Variants in BRAF observed in about 807,000 individuals in gnomAD.
BRAF encodes B-Raf proto-oncogene, serine/threonine kinase.
In BRAF, 16 loss-of-function variants were observed where a neutral mutation model predicts 104.6. That is an observed-to-expected ratio of 0.15 (90% CI 0.10 to 0.23). BRAF has a LOEUF of 0.23. BRAF is among the 10% of genes least tolerant of loss of function. The probability of loss-of-function intolerance (pLI) is 1.00; values close to 1 mark genes in which losing one functional copy is unlikely to be tolerated. For missense variants in BRAF, 541 were observed against 937.3 expected, an observed-to-expected ratio of 0.58 and a Z score of 5.52; for synonymous variants, 310 against 341.6, an observed-to-expected ratio of 0.91 and a Z score of 1.02.
At position 140,873,599 on chromosome 7, in the gene BRAF, C is replaced by T. The variant is rs1314354597; in HGVS notation, c.139-23387G>A. On this transcript the variant is annotated intron_variant, in intron 1 of 19. Transcript: ENST00000644969. ...GGGTGTTGACAATTGATTTGGAGTG[C>T]TGTGAATTTAAGTGATAACCTCCAC... Among the ~76,000 whole-genome samples, 25 of 152,124 alleles carry T rather than the reference C, an allele frequency of 1.6e-4. 1 individual carries two copies. The highest frequency in any genetic ancestry group is 1.6e-3 in the Admixed American group (25 of 15,274).
intron 1 of BRAF, among the ~76,000 whole-genome samples, chr7:140,851,723 C>T (rs534542201): frequency 6.6e-6 from 1 of 152,306 alleles, no homozygotes; most frequent in South Asian, 2.1e-4. Context: ...CTCTTCCCCA[C>T]AATCTCACCA....
chr7:140,888,987 C>T (rs1051556523), intron 1 of BRAF, among the ~76,000 whole-genome samples: 32 of 152,106 alleles, frequency 2.1e-4, no homozygotes, highest in African/African-American at 7.7e-4. Flanking sequence ...TGCTAAACAT[C>T]CTACAATACA....
chr7:140,834,037 T>C (rs548377831), intron 3 of BRAF: 1 of 157,022 alleles, frequency 6.4e-6, no homozygotes, highest in Non-Finnish European at 1.4e-5. Flanking sequence ...TGTATACAGA[T>C]GGGTTACTTA....
intron 10 of BRAF, among the ~76,000 whole-genome samples, chr7:140,784,655 T>C (rs1454201768): frequency 1.3e-5 from 2 of 152,202 alleles, no homozygotes; most frequent in East Asian, 1.9e-4. Flanking sequence ...TTTTACTTTT[T>C]TTTTTTTGAG....
intron 2 of BRAF, among the ~76,000 whole-genome samples, chr7:140,849,514 T>TAAA (rs746301355): frequency 7.3e-6 from 1 of 136,758 alleles, no homozygotes; most frequent in Non-Finnish European, 1.6e-5. Flanking sequence ...GCTTTCTCTT[T>TAAA]AAAAAAAAAA....
intron 1 of BRAF, among the ~76,000 whole-genome samples, chr7:140,899,530 T>C (rs1815360001): frequency 6.6e-6 from 1 of 152,234 alleles, no homozygotes; most frequent in Non-Finnish European, 1.5e-5. Context: ...GATTTTTTCA[T>C]TTCTGCCAAT....
rs770369540 is a variant in BRAF at position 140,781,719 on chromosome 7, A to T, written c.1435-26T>A. On this transcript the variant is annotated intron_variant, in intron 11 of 19. Transcript: ENST00000644969. Reference sequence around the variant, plus strand: ...CTTGATAAAAACAGTAAAAAAGTCAAGTCAAGCCAAACAGAAAAAGAAAAC... The same window carrying T: ...CTTGATAAAAACAGTAAAAAAGTCATGTCAAGCCAAACAGAAAAAGAAAAC... 5 of 1,583,344 alleles carry T rather than the reference A, an allele frequency of 3.2e-6. No individual in the cohort carries two copies. In the African/African-American group the frequency reaches 5.4e-5, roughly 17 times the overall value.
At position 140,924,479 on chromosome 7, in the gene BRAF, C is replaced by T. The variant is rs2129152922; in HGVS notation, c.138+87G>A. Reference sequence around the variant, plus strand: ...CGAGAAGGTGGCTGAGGGCATCAAGCCCCCACCGCCGCCTCTTTCCAAAAT... The same window carrying T: ...CGAGAAGGTGGCTGAGGGCATCAAGTCCCCACCGCCGCCTCTTTCCAAAAT... On this transcript the variant is annotated intron_variant, in intron 1 of 19. Coordinates refer to ENST00000644969, the MANE Select transcript of BRAF (RefSeq NM_001374258.1). This position sits in a 1 kb window ranked among gnomAD's most constrained non-coding sequence, Gnocchi z 4.2. 4 of 1,518,804 alleles carry T rather than the reference C, an allele frequency of 2.6e-6. No individual in the cohort carries two copies. Among genetic ancestry groups the T allele is most frequent in the Non-Finnish European group, 3.5e-6 (4 of 1,135,102 alleles). The allele number at this position is 1,518,804 out of a possible 1,614,324, so 94.1% of individuals were successfully genotyped here.
intron 14 of BRAF, among the ~76,000 whole-genome samples, chr7:140,764,452 A>G (rs1242753018): frequency 6.7e-6 from 1 of 149,966 alleles, no homozygotes; most frequent in Non-Finnish European, 1.5e-5. Context: ...GGCCAGGGCA[A>G]TCAGGCAGGA....
chr7:140,713,525 A>G, the BRAF span, among the ~76,000 whole-genome samples: 1 of 151,994 alleles, frequency 6.6e-6, no homozygotes, highest in Non-Finnish European at 1.5e-5. Context: ...ATTTTTTTTC[A>G]AAGCTTTTAA....
chr7:140,766,447 AAAAC>A (rs905872267), intron 14 of BRAF, among the ~76,000 whole-genome samples: 11 of 152,206 alleles, frequency 7.2e-5, no homozygotes, highest in Non-Finnish European at 1.0e-4. Flanking sequence ...AATAATAAAA[AAAAC>A]AAAACAACAA....
At chr7:140,748,986 T>C (rs920416640) in intron 17 of BRAF, 7 of 356,520 alleles carry the variant, frequency 2.0e-5, no homozygotes, top group African/African-American at 1.3e-4. Flanking sequence ...CCAGATGCTA[T>C]AGTAGCAGAG....
At chr7:140,728,379 T>A (rs1302188090) in intron 19 of BRAF, among the ~76,000 whole-genome samples, 1 of 152,190 alleles carries the variant, frequency 6.6e-6, no homozygotes, top group East Asian at 1.9e-4. Context: ...GTTTTCCCAA[T>A]CTGAATACAA....
intron 19 of BRAF, chr7:140,732,207 A>AAAAAAAAG: frequency 7.9e-6 from 1 of 125,890 alleles, no homozygotes; most frequent in Non-Finnish European, 1.6e-5. Flanking sequence ...AAAAAAAAAA[A>AAAAAAAAG]AAAAGGAAAT....
At chr7:140,791,065 C>A (rs1801907998) in intron 8 of BRAF, among the ~76,000 whole-genome samples, 1 of 152,192 alleles carries the variant, frequency 6.6e-6, no homozygotes, top group Non-Finnish European at 1.5e-5. Context: ...CACACCACTG[C>A]ACTCCAGCCT....
chr7:140,749,731 T>A (rs529617684), intron 16 of BRAF, among the ~76,000 whole-genome samples: 2 of 152,188 alleles, frequency 1.3e-5, no homozygotes, highest in Non-Finnish European at 2.9e-5. Flanking sequence ...CTTACCCTAT[T>A]AGAATCAGTT....
rs184027376 is a variant in BRAF at position 140,736,709 on chromosome 7, G to A, written c.2248-1939C>T. 1.7e-3 allele frequency among the ~76,000 whole-genome samples: 260 copies of A among 151,680 alleles called. 1 individual carries two copies. The highest frequency in any genetic ancestry group is 5.8e-3 in the African/African-American group (242 of 41,506). ...CCCAAAGTGCTGGGATTACAGGCGT[G>A]AGCCACCGTGCCTGGCCTCTGTTTA... On this transcript the variant is annotated intron_variant, in intron 18 of 19. Coordinates refer to ENST00000644969, the MANE Select transcript of BRAF (RefSeq NM_001374258.1).
chr7:140,722,565 G>A lies in BRAF; in HGVS notation c.*3929C>T. ...TCCATCTCTGGCTATGGTGTTTATA[G>A]CCTAATGGTTGGAATCTGCTCGTCT... On this transcript the variant is annotated 3_prime_UTR_variant, in exon 20 of 20. Transcript: ENST00000644969. The A allele has an allele frequency of 9.5e-7, 1 of 1,056,012 alleles. No homozygotes were observed. The highest frequency in any genetic ancestry group is 1.1e-6 in the Non-Finnish European group (1 of 873,504). 65.4% of individuals were successfully genotyped at this position (1,056,012 alleles called of 1,614,324 possible).
chr7:140,889,244 T>A (rs1813935752), intron 1 of BRAF, among the ~76,000 whole-genome samples: 1 of 152,206 alleles, frequency 6.6e-6, no homozygotes, highest in African/African-American at 2.4e-5. Context: ...AAAAAAATTA[T>A]CCAGGCTACT....
Sources: gnomAD v4.1 joint callset for allele counts (sites outside exome capture counted in the v4.1 genomes callset) on GRCh38, gnomAD v4.1.1 for gene constraint, Gnocchi (gnomAD v3.1) non-coding constraint, MANE v1.5 for transcripts, NCBI Gene and HGNC (gene_info 2026-07-23, HGNC 2026-07-21) for gene names.